NDUFAF7: variants seen among roughly 807,000 people sequenced by gnomAD.
The protein encoded by NDUFAF7 is protein arginine methyltransferase NDUFAF7, mitochondrial.
Under a neutral mutation model 47.2 loss-of-function variants are expected in NDUFAF7, and 48 were observed. The observed-to-expected ratio is 1.02, with a 90% confidence interval of 0.81 to 1.29. The LOEUF (loss-of-function observed/expected upper bound fraction) is 1.29, where lower values mean the gene tolerates loss of function less well. NDUFAF7 is among the 50% of genes most tolerant of loss of function. The pLI, the probability that NDUFAF7 is intolerant of heterozygous loss-of-function variation, is 0.00. For synonymous variants in NDUFAF7, 217 were observed against 190.0 expected, an observed-to-expected ratio of 1.14 and a Z score of -1.17; for missense variants, 635 against 537.6, an observed-to-expected ratio of 1.18 and a Z score of -1.79.
At position 37,242,660 on chromosome 2, in the gene NDUFAF7, A is replaced by AT. The variant is rs756571729; in HGVS notation, c.654dup (p.Asp219Ter). ...GGTACAGCTTTTATCTTGCACATGA[A>AT]TTTTTTGATGTTCTTCCTGTGCATA... On this transcript the variant is annotated frameshift_variant, in exon 6 of 10. Transcript: ENST00000002125. LOFTEE classifies it high-confidence loss of function. 2 of 1,602,290 alleles carry AT rather than the reference A, an allele frequency of 1.2e-6. No homozygotes were observed. The highest frequency in any genetic ancestry group is 1.7e-6 in the Non-Finnish European group (2 of 1,169,670).
downstream of NDUFAF7, chr2:37,253,190 T>A (rs775553768): frequency 2.5e-6 from 4 of 1,602,292 alleles, no homozygotes; most frequent in South Asian, 1.1e-5. Context: ...AGGATCTTCT[T>A]CCATATCATC....
At chr2:37,249,558 G>GACACACACACAC (rs56374800), downstream of NDUFAF7, among the ~76,000 whole-genome samples, 609 of 128,422 alleles carry the variant, frequency 4.7e-3, 9 homozygotes, top group African/African-American at 0.01. Flanking sequence ...GCCTGTGATA[G>GACACACACACAC]ACACACACAC....
At chr2:37,254,301 G>T, downstream of NDUFAF7, 1 of 1,603,316 alleles carries the variant, frequency 6.2e-7, no homozygotes, top group Non-Finnish European at 8.5e-7. Context: ...TAAGGGAAAA[G>T]ACAAAACAAG....
At chr2:37,236,378 C>T (rs1202925785) in intron 3 of NDUFAF7, among the ~76,000 whole-genome samples, 1 of 151,652 alleles carries the variant, frequency 6.6e-6, no homozygotes, top group Non-Finnish European at 1.5e-5. Context: ...AGTTTATACT[C>T]CACTGTAGGA....
Position 37,231,738 on chromosome 2 carries a change from G to T in NDUFAF7, c.33G>T (p.Pro11=). Residue 11 remains proline, a synonymous_variant, in exon 1 of 10, where the codon CCG becomes CCT. Coordinates refer to ENST00000002125, the MANE Select transcript of NDUFAF7 (RefSeq NM_144736.5). MSVLLRSGLG[P]LCAVARAAIP... is the part of the protein sequence containing the mutation. The stretch of plus-strand genomic sequence containing the variant: ...TACTGCTGAGGTCAGGTTTGGGGCC[G>T]TTGTGTGCCGTGGCGCGCGCAGGTA... 1 of 1,614,230 alleles carries T rather than the reference G, an allele frequency of 6.2e-7. No individual in the cohort carries two copies.
At chr2:37,240,327 A>G (rs1373230223) in intron 4 of NDUFAF7, among the ~76,000 whole-genome samples, 1 of 151,768 alleles carries the variant, frequency 6.6e-6, no homozygotes, top group Non-Finnish European at 1.5e-5. Flanking sequence ...AGATGGGAGG[A>G]TTGCTTGAGC....
the NDUFAF7 span, chr2:37,260,375 G>A: frequency 1.2e-6 from 2 of 1,610,794 alleles, no homozygotes; most frequent in African/African-American, 1.3e-5. Context: ...ATCCCAGGAT[G>A]GTGCAAATTC....
downstream of NDUFAF7, chr2:37,256,781 A>T: frequency 1.2e-6 from 2 of 1,613,952 alleles, no homozygotes; most frequent in Non-Finnish European, 1.7e-6. Flanking sequence ...CACATAGATG[A>T]TAACTCCCAC....
downstream of NDUFAF7, among the ~76,000 whole-genome samples, chr2:37,249,604 G>C (rs1182318173): frequency 3.7e-3 from 337 of 91,322 alleles, 9 homozygotes; most frequent in African/African-American, 0.014. Context: ...CACACACACA[G>C]AGGGGAGATC....
At chr2:37,233,277 A>G (rs898462211) in intron 2 of NDUFAF7, among the ~76,000 whole-genome samples, 31 of 152,334 alleles carry the variant, frequency 2.0e-4, no homozygotes, top group African/African-American at 7.2e-4. Context: ...CATTTTATAC[A>G]TATTTTGTTA....
chr2:37,240,462 T>G (rs1274355096), intron 4 of NDUFAF7, among the ~76,000 whole-genome samples: 2 of 151,662 alleles, frequency 1.3e-5, no homozygotes, highest in African/African-American at 4.8e-5. Context: ...TCTTGATGCT[T>G]TATGGTTTTT....
rs765851936 is a variant in NDUFAF7 at position 37,237,830 on chromosome 2, G to C, written c.371G>C (p.Gly124Ala). ...ACAGCTTTCCAGCTGGTGGAACTGGGCCCAGGTAGGGGAACCCTCGTGGGA... is the reference window on the plus strand; with the variant it reads ...ACAGCTTTCCAGCTGGTGGAACTGGCCCCAGGTAGGGGAACCCTCGTGGGA... ...KSTAFQLVEL[G>A]PGRGTLVGDI... Residue 124 changes from glycine (G) to alanine (A), a missense_variant, in exon 4 of 10, where the codon GGC (glycine) becomes GCC (alanine). Coordinates refer to ENST00000002125, the MANE Select transcript of NDUFAF7 (RefSeq NM_144736.5). 1.2e-6 allele frequency: 2 copies of C among 1,613,650 alleles called. No individual in the cohort carries two copies. The highest frequency in any genetic ancestry group is 2.2e-5 in the East Asian group (1 of 44,866).
chr2:37,245,835 G>A (rs1666841816), intron 7 of NDUFAF7, among the ~76,000 whole-genome samples: 1 of 152,186 alleles, frequency 6.6e-6, no homozygotes, highest in Non-Finnish European at 1.5e-5. Flanking sequence ...AGATTAAAAT[G>A]TCTTTGTATA....
At chr2:37,244,015 A>G in intron 7 of NDUFAF7, 42 bp downstream of exon 7, 18 of 1,456,634 alleles carry the variant, frequency 1.2e-5, no homozygotes, top group Non-Finnish European at 1.7e-5. Context: ...TGCTCACAGA[A>G]TCTTCAAAGT....
rs773713657 is a variant in NDUFAF7 at position 37,237,767 on chromosome 2, T to C, written c.308T>C (p.Ile103Thr). The part of the protein sequence containing the change: ...ISQIFGELLG[I>T]WFISEWMATG... Reference sequence around the variant, plus strand: ...TTTCCCTTTTCACAGCTACTAGGTATATGGTTCATTAGTGAATGGATGGCC... The same window carrying C: ...TTTCCCTTTTCACAGCTACTAGGTACATGGTTCATTAGTGAATGGATGGCC... The change falls in exon 4 of 10, where the codon ATA becomes ACA. Residue 103 changes from isoleucine to threonine, a missense_variant. Transcript: ENST00000002125. The C allele has an allele frequency of 6.2e-7, 1 of 1,606,118 alleles. No individual in the cohort carries two copies. The highest frequency in any genetic ancestry group is 1.7e-5 in the Admixed American group (1 of 60,016).
At chr2:37,239,466 A>G (rs1666135069) in intron 4 of NDUFAF7, among the ~76,000 whole-genome samples, 1 of 152,110 alleles carries the variant, frequency 6.6e-6, no homozygotes, top group South Asian at 2.1e-4. Context: ...ATTAACATCA[A>G]AGTTTCTTAT....
At chr2:37,254,229 T>G (rs1431354930), downstream of NDUFAF7, 6 of 1,612,848 alleles carry the variant, frequency 3.7e-6, no homozygotes, top group African/African-American at 1.3e-5. Context: ...ACTAAGAGAT[T>G]TGTCAACACT....
downstream of NDUFAF7, chr2:37,251,527 A>G (rs547387396): frequency 2.9e-4 from 44 of 152,524 alleles, no homozygotes; most frequent in Non-Finnish European, 1.8e-4. Context: ...GTTTGCTACT[A>G]TTCTTTCAAG....
In NDUFAF7 at chr2:37,232,040, C is replaced by T. The variant is rs2430496; in HGVS notation, c.56-66C>T. ...TTCACGAAGCTGTTTTGAAAACGCT[C>T]AGGCGGCTTGCGCTCGTGAATGGTC... is the stretch of plus-strand genomic sequence containing the variant. On this transcript the variant is annotated intron_variant, in intron 1 of 9. Transcript: ENST00000002125. The T allele has an allele frequency of 0.015, 24,850 of 1,612,622 alleles. 3,316 individuals carry two copies. In the African/African-American group the frequency reaches 0.29, roughly 19 times the overall value.
Sources: allele counts gnomAD v4.1 joint callset (sites outside exome capture counted in the v4.1 genomes callset), GRCh38; gene constraint gnomAD v4.1.1; transcripts MANE v1.5; gene names NCBI Gene and HGNC (gene_info 2026-07-23, HGNC 2026-07-21).